The following GSE1 variants were observed in gnomAD, a reference collection of about 807,000 sequenced individuals.
GSE1 encodes Gse1 coiled-coil protein, also known as genetic suppressor element 1.
Under a neutral mutation model 112.6 loss-of-function variants are expected in GSE1, and 32 were observed. The observed-to-expected ratio is 0.28, with a 90% CI of 0.21 to 0.38. The LOEUF is 0.38. Ranked by LOEUF, GSE1 falls within the 10% of genes least tolerant of loss-of-function variation. The pLI, the probability that GSE1 is intolerant of heterozygous loss-of-function variation, is 1.00. For missense variants in GSE1, 2,348 were observed against 1,699.2 expected (o/e 1.38, Z -6.71); for synonymous variants, 1,115 against 735.6 (o/e 1.52, Z -8.35).
intron 1 of GSE1, among the ~76,000 whole-genome samples, chr16:85,252,660 A>T (rs1249750977): frequency 6.6e-6 from 1 of 152,146 alleles, no homozygotes; most frequent in African/African-American, 2.4e-5. Context: ...TCAGGGGAGG[A>T]GGAAACTGAG....
intron 1 of GSE1, among the ~76,000 whole-genome samples, chr16:85,577,130 G>A (rs916381762): frequency 1.3e-5 from 2 of 151,530 alleles, no homozygotes; most frequent in Non-Finnish European, 2.9e-5. Flanking sequence ...TCACAGTCAG[G>A]ACGCTGGGGT....
chr16:85,458,154 C>T (rs951661893), intron 2 of GSE1, among the ~76,000 whole-genome samples: 1 of 152,196 alleles, frequency 6.6e-6, no homozygotes, highest in Non-Finnish European at 1.5e-5. Flanking sequence ...CTGACCTGGC[C>T]TCCCAGCACT....
At chr16:85,240,755 A>G (rs1905104774) in intron 1 of GSE1, among the ~76,000 whole-genome samples, 1 of 152,222 alleles carries the variant, frequency 6.6e-6, no homozygotes, top group Non-Finnish European at 1.5e-5. Context: ...TGAGGGTGTC[A>G]GAATGGGCGC....
intron 2 of GSE1, among the ~76,000 whole-genome samples, chr16:85,358,280 TG>T (rs2046994768): frequency 6.6e-6 from 1 of 152,220 alleles, no homozygotes; most frequent in South Asian, 2.1e-4. Flanking sequence ...TGCTGGGCCT[TG>T]GGGCCTGGGC....
rs2053507279 is a variant in GSE1 at position 85,673,526 on chromosome 16, C to G, written c.*987C>G. The G allele has an allele frequency of 6.7e-6, 1 of 149,050 alleles. No individual in the cohort carries two copies. Among genetic ancestry groups the G allele is most frequent in the Non-Finnish European group, 1.5e-5 (1 of 67,626 alleles). 9.2% of individuals were successfully genotyped at this position (149,050 alleles called of 1,614,324 possible). A position where few individuals can be genotyped will look rare whatever the true frequency, so the allele number is the denominator to read the frequency against. On this transcript the variant is annotated 3_prime_UTR_variant, in exon 16 of 16. Transcript: ENST00000253458. ...TTTTAGTGTTTGTACTGCTGCTGGT[C>G]AGGACATTAAAATATTGAAGTGTTT...
chr16:85,427,363 C>T (rs1023850880), intron 2 of GSE1, among the ~76,000 whole-genome samples: 10 of 152,148 alleles, frequency 6.6e-5, no homozygotes, highest in East Asian at 1.9e-4. Context: ...TGTTTTAGGC[C>T]GGGCGCAGGG....
At chr16:85,546,490 A>C (rs1266634205) in intron 2 of GSE1, among the ~76,000 whole-genome samples, 2 of 152,218 alleles carry the variant, frequency 1.3e-5, no homozygotes, top group Admixed American at 1.3e-4. Flanking sequence ...TCTCAAGGAC[A>C]CACCCATATA....
At chr16:85,510,798 C>T (rs1343203592) in intron 2 of GSE1, among the ~76,000 whole-genome samples, 2 of 93,594 alleles carry the variant, frequency 2.1e-5, no homozygotes, top group Non-Finnish European at 4.3e-5. Context: ...TGCCCTACTC[C>T]TGCCTCACAG....
intron 1 of GSE1, among the ~76,000 whole-genome samples, chr16:85,208,154 G>A (rs944909733): frequency 1.3e-5 from 2 of 152,140 alleles, no homozygotes; most frequent in South Asian, 4.1e-4. Context: ...GACTTTGGAT[G>A]GGTCATGCTG....
chr16:85,627,102 A>G (rs529861965), intron 1 of GSE1, among the ~76,000 whole-genome samples: 80 of 75,628 alleles, frequency 1.1e-3, no homozygotes, highest in African/African-American at 3.8e-3. Context: ...TTCTGACCCT[A>G]TTAGAAACCT....
At chr16:85,348,112 C>T (rs527456288) in intron 1 of GSE1, among the ~76,000 whole-genome samples, 1 of 152,144 alleles carries the variant, frequency 6.6e-6, no homozygotes, top group African/African-American at 2.4e-5. Flanking sequence ...GGCGGTTCTG[C>T]CCCAGGCTTC....
At chr16:85,397,323 C>T (rs2047990095) in intron 2 of GSE1, among the ~76,000 whole-genome samples, 1 of 152,224 alleles carries the variant, frequency 6.6e-6, no homozygotes, top group South Asian at 2.1e-4. Context: ...ACCCCCGCTC[C>T]CACCCTTGGC....
At chr16:85,664,672 GTTTC>G (rs1366553762) in intron 11 of GSE1, 9 of 217,472 alleles carry the variant, frequency 4.1e-5, no homozygotes, top group East Asian at 2.5e-4. Context: ...TCTTTGGGGT[GTTTC>G]TTTGTGTTGG....
chr16:85,452,050 G>A (rs551598477), intron 2 of GSE1, among the ~76,000 whole-genome samples: 5 of 152,184 alleles, frequency 3.3e-5, no homozygotes, highest in South Asian at 4.2e-4. Flanking sequence ...TCCGTGTCTC[G>A]GTGTCAGGTT....
chr16:85,476,072 A>G (rs1465787419), intron 2 of GSE1, among the ~76,000 whole-genome samples: 1 of 152,164 alleles, frequency 6.6e-6, no homozygotes, highest in African/African-American at 2.4e-5. Context: ...CCGGGACGAC[A>G]GTTGCGTGCC....
intron 1 of GSE1, among the ~76,000 whole-genome samples, chr16:85,356,956 T>C (rs2046962680): frequency 1.3e-5 from 2 of 152,172 alleles, no homozygotes; most frequent in Admixed American, 1.3e-4. Context: ...ATGAGGGCCT[T>C]TCCCTGATTT....
intron 1 of GSE1, among the ~76,000 whole-genome samples, chr16:85,204,886 G>C (rs2075088433): frequency 6.6e-6 from 1 of 152,212 alleles, no homozygotes; most frequent in Non-Finnish European, 1.5e-5. Context: ...CCTAGGGCCT[G>C]GGACTGGGGA....
At chr16:85,618,874 G>T (rs945126104) in intron 1 of GSE1, among the ~76,000 whole-genome samples, 2 of 152,218 alleles carry the variant, frequency 1.3e-5, no homozygotes, top group African/African-American at 4.8e-5. Context: ...GTGTTGCCCA[G>T]GGTGGTCTCA....
At chr16:85,651,051 TCCTCCC>T (rs1418118648) in intron 3 of GSE1, among the ~76,000 whole-genome samples, 9 of 34,550 alleles carry the variant, frequency 2.6e-4, no homozygotes, top group African/African-American at 5.8e-4. Context: ...CCTCCGCCCC[TCCTCCC>T]CCTCCCCCTC....
Sources: gnomAD v4.1 joint callset for allele counts (sites outside exome capture counted in the v4.1 genomes callset) on GRCh38, gnomAD v4.1.1 for gene constraint, MANE v1.5 for transcripts, NCBI Gene and HGNC (gene_info 2026-07-23, HGNC 2026-07-21) for gene names.